The following ZNF558 variants were observed in gnomAD, a reference collection of about 807,000 sequenced individuals.
ZNF558 encodes zinc finger protein 558.
ZNF558 carries 23 observed loss-of-function variants against 37.6 expected under a neutral mutation model. The observed-to-expected ratio is 0.61, with a 90% CI of 0.44 to 0.87. ZNF558 has a LOEUF of 0.87. Ranked by LOEUF, ZNF558 falls within the 40% of genes least tolerant of loss-of-function variation. The pLI, the probability that ZNF558 is intolerant of heterozygous loss-of-function variation, is 0.00. For synonymous variants in ZNF558, 189 were observed against 174.4 expected (o/e 1.08, Z -0.66); for missense variants, 429 against 483.7 (o/e 0.89, Z 1.06).
upstream of ZNF558, among the ~76,000 whole-genome samples, chr19:8,835,373 G>A (rs375059787): frequency 2.6e-5 from 4 of 152,140 alleles, no homozygotes; most frequent in East Asian, 5.8e-4. Flanking sequence ...CAAAGAGTTC[G>A]AATCGTCATT....
At chr19:8,812,195 T>C (rs1358944892) in intron 9 of ZNF558, 132 bp from the exon 10 acceptor site, 2 of 888,414 alleles carry the variant, frequency 2.3e-6, no homozygotes, top group East Asian at 5.7e-5. Context: ...TCAGTGGTTG[T>C]ATGTGATTTC....
intron 7 of ZNF558, among the ~76,000 whole-genome samples, chr19:8,814,683 CTAAG>C (rs1318409742): frequency 2.6e-5 from 4 of 152,124 alleles, no homozygotes; most frequent in Admixed American, 1.3e-4. Flanking sequence ...AAATGCCTAC[CTAAG>C]TATTAAAGGC....
intron 7 of ZNF558, among the ~76,000 whole-genome samples, chr19:8,815,080 G>A (rs968905467): frequency 2.0e-5 from 3 of 152,050 alleles, no homozygotes; most frequent in Admixed American, 6.5e-5. Flanking sequence ...AAATAATTAT[G>A]AGGGAGGCAA....
intron 6 of ZNF558, 79 bp downstream of exon 6, chr19:8,821,924 C>T: frequency 1.3e-6 from 2 of 1,584,058 alleles, no homozygotes; most frequent in Non-Finnish European, 1.7e-6. Flanking sequence ...GGCCATGAGG[C>T]TCCAGGCTGC....
rs939709728 is a variant in ZNF558 at position 8,821,808 on chromosome 19, G to A, written c.120+195C>T. The A allele has an allele frequency of 4.2e-6, 6 of 1,412,788 alleles. No homozygotes were observed. The African/African-American group carries it at 8.7e-5, about 20-fold the overall frequency. The allele number at this position is 1,412,788 out of a possible 1,614,324, so 87.5% of individuals were successfully genotyped here. A position where few individuals can be genotyped will look rare whatever the true frequency, so the allele number is the denominator to read the frequency against. On this transcript the variant is annotated intron_variant, in intron 6 of 9. Transcript: ENST00000601372. ...CATGATGTACTCAGGGACCCTGGAGGGAGCTCTGAACCTGCAGTAAATGTT... is the reference window on the plus strand; with the variant it reads ...CATGATGTACTCAGGGACCCTGGAGAGAGCTCTGAACCTGCAGTAAATGTT...
At chr19:8,833,833 C>G (rs1406882876), upstream of ZNF558, among the ~76,000 whole-genome samples, 1 of 151,962 alleles carries the variant, frequency 6.6e-6, no homozygotes, top group Admixed American at 6.6e-5. Flanking sequence ...ACTAAAAATA[C>G]AAAATTAGCC....
chr19:8,828,635 T>C (rs2044283403), intron 2 of ZNF558, among the ~76,000 whole-genome samples: 1 of 152,202 alleles, frequency 6.6e-6, no homozygotes, highest in Non-Finnish European at 1.5e-5. Flanking sequence ...TGCCTGTAGC[T>C]TCTGCTTTTC....
chr19:8,837,657 C>T, the ZNF558 span, among the ~76,000 whole-genome samples: 1 of 152,250 alleles, frequency 6.6e-6, no homozygotes, highest in South Asian at 2.1e-4. Context: ...TCACACTGGC[C>T]TCATGGACAA....
intron 7 of ZNF558, among the ~76,000 whole-genome samples, chr19:8,814,383 G>A (rs782352263): frequency 2.0e-5 from 3 of 152,110 alleles, no homozygotes; most frequent in South Asian, 2.1e-4. Flanking sequence ...TGGAACACAC[G>A]TGATCGACAG....
rs782501291 is a variant in ZNF558 at position 8,811,959 on chromosome 19, T to C, written c.531A>G (p.Glu177=). The C allele has an allele frequency of 1.2e-6, 2 of 1,614,164 alleles. No homozygotes were observed. The highest frequency in any genetic ancestry group is 1.7e-6 in the Non-Finnish European group (2 of 1,180,024). Residue 177 remains glutamate, a synonymous_variant, in exon 10 of 10, where the codon GAA becomes GAG. Coordinates refer to ENST00000601372, the MANE Select transcript of ZNF558 (RefSeq NM_144693.3). ...LTQHKRIHTG[E]KPYDCSQCGK... is the part of the protein sequence containing the mutation. Reference sequence around the variant, plus strand: ...CACATTGACTACAGTCATAGGGTTTTTCTCCAGTATGAATTCTCTTGTGCT... The same window carrying C: ...CACATTGACTACAGTCATAGGGTTTCTCTCCAGTATGAATTCTCTTGTGCT...
intron 2 of ZNF558, among the ~76,000 whole-genome samples, chr19:8,826,959 G>A (rs573088618): frequency 6.6e-6 from 1 of 152,300 alleles, no homozygotes; most frequent in South Asian, 2.1e-4. Flanking sequence ...CTAATGTGCA[G>A]GTAGGCACAC....
intron 4 of ZNF558, among the ~76,000 whole-genome samples, chr19:8,823,536 G>A (rs2044156432): frequency 9.1e-6 from 1 of 109,964 alleles, no homozygotes; most frequent in African/African-American, 3.6e-5. Flanking sequence ...TGTTCTGCCT[G>A]TTACCCCAAC....
At chr19:8,821,424 G>T (rs948974168) in intron 6 of ZNF558, 118 bp from the exon 7 acceptor site, 48 of 1,587,132 alleles carry the variant, frequency 3.0e-5, no homozygotes, top group Middle Eastern at 1.9e-4. Context: ...ATGTTGGGGG[G>T]GGTGGTTCTG....
intron 7 of ZNF558, among the ~76,000 whole-genome samples, chr19:8,816,055 A>AACAC (rs112370625): frequency 4.7e-4 from 71 of 150,206 alleles, no homozygotes; most frequent in African/African-American, 1.7e-3. Context: ...TTCATACTGA[A>AACAC]ACACACACAC....
upstream of ZNF558, among the ~76,000 whole-genome samples, chr19:8,834,619 A>C (rs1403290730): frequency 1.3e-5 from 2 of 150,688 alleles, no homozygotes; most frequent in Non-Finnish European, 3.0e-5. Flanking sequence ...AAAAAAAACA[A>C]ACCAAAACCA....
At position 8,810,453 on chromosome 19, in the gene ZNF558, A is replaced by T. The variant is rs1462989131; in HGVS notation, c.*828T>A. ...ACATGAATCCCTGCTGATAGCACTG[A>T]AGGCTTTCTACAGCTGTTCCATTCT... On this transcript the variant is annotated 3_prime_UTR_variant, in exon 10 of 10. Transcript: ENST00000601372. The T allele has an allele frequency of 6.6e-6, 1 of 152,220 alleles. No individual in the cohort carries two copies. The highest frequency in any genetic ancestry group is 1.5e-5 in the Non-Finnish European group (1 of 68,044). The allele number at this position is 152,220 out of a possible 1,614,324, so 9.4% of individuals were successfully genotyped here.
At position 8,821,220 on chromosome 19, in the gene ZNF558, C is replaced by A. The variant is rs774944174; in HGVS notation, c.207G>T (p.Arg69Ser). ...TCCTGCAGTTCTCCAGCATCACATC[C>A]CTGTACAGTGTCCTTTGGGCAGGGT... The part of the protein sequence containing the change: ...LLDPAQRTLY[R>S]DVMLENCRNL... Residue 69 changes from arginine to serine, a missense_variant, in exon 7 of 10, where the codon AGG becomes AGT. By Grantham distance (110) the Arg-to-Ser change is moderately radical. Coordinates refer to ENST00000601372, the MANE Select transcript of ZNF558 (RefSeq NM_144693.3). The A allele has an allele frequency of 1.2e-6, 2 of 1,614,064 alleles. No homozygotes were observed. Among genetic ancestry groups the A allele is most frequent in the African/African-American group, 2.7e-5 (2 of 74,908 alleles).
At chr19:8,825,757 G>A (rs2044217836) in intron 2 of ZNF558, among the ~76,000 whole-genome samples, 1 of 151,954 alleles carries the variant, frequency 6.6e-6, no homozygotes, top group Non-Finnish European at 1.5e-5. Flanking sequence ...CAAGTTGGAG[G>A]GAGTCTTTGG....
Position 8,825,752 on chromosome 19 carries a change from TGGAG to T in ZNF558, c.-508-648_-508-645del, listed in dbSNP as rs142383993. 5.1e-4 allele frequency among the ~76,000 whole-genome samples: 77 copies of T among 152,180 alleles called. 1 individual carries two copies. The East Asian group carries it at 8.9e-3, about 18-fold the overall frequency. On this transcript the variant is annotated intron_variant, in intron 2 of 9. Transcript: ENST00000601372. ...TTCGGGTTCCGTCAAAAAATCAAGT[TGGAG>T]GGAGTCTTTGGCTCTTGGGCCTCTG...
Sources: gnomAD v4.1 joint callset for allele counts (sites outside exome capture counted in the v4.1 genomes callset) on GRCh38, gnomAD v4.1.1 for gene constraint, MANE v1.5 for transcripts, NCBI Gene and HGNC (gene_info 2026-07-23, HGNC 2026-07-21) for gene names.